Variants in MARCHF4 observed in about 807,000 individuals in gnomAD.
The protein encoded by MARCHF4 is E3 ubiquitin-protein ligase MARCHF4.
MARCHF4 carries 14 observed loss-of-function variants against 43.9 expected under a neutral mutation model. The ratio of observed to expected loss-of-function variants is 0.32; its 90% confidence interval spans 0.21 to 0.50. The LOEUF is 0.50. Among genes scored for constraint, MARCHF4 ranks in the 20% least tolerant of loss-of-function variants. MARCHF4 has a pLI of 0.98. For missense variants in MARCHF4, 468 were observed against 536.7 expected, an observed-to-expected ratio of 0.87 and a Z score of 1.27; for synonymous variants, 226 against 213.3, an observed-to-expected ratio of 1.06 and a Z score of -0.52.
chr2:216,264,817 T>C (rs1690819251), intron 3 of MARCHF4, among the ~76,000 whole-genome samples: 1 of 152,210 alleles, frequency 6.6e-6, no homozygotes, highest in South Asian at 2.1e-4. Flanking sequence ...GTTCAGGAAG[T>C]AGTTAAACCA....
chr2:216,358,597 T>C (rs1692535035), intron 1 of MARCHF4, among the ~76,000 whole-genome samples: 1 of 152,164 alleles, frequency 6.6e-6, no homozygotes, highest in African/African-American at 2.4e-5. Flanking sequence ...GAACAATCAC[T>C]AGGAATACTT....
chr2:216,317,302 C>T (rs1030417753), intron 1 of MARCHF4, among the ~76,000 whole-genome samples: 19 of 152,184 alleles, frequency 1.2e-4, no homozygotes, highest in African/African-American at 4.6e-4. Flanking sequence ...CATATCTTGT[C>T]AGGGAAATGC....
At position 216,335,379 on chromosome 2, in the gene MARCHF4, G is replaced by A. The variant is rs189302243; in HGVS notation, c.516+34366C>T. On this transcript the variant is annotated intron_variant, in intron 1 of 3. Coordinates refer to ENST00000273067, the MANE Select transcript of MARCHF4 (RefSeq NM_020814.3). ...ACGCAGGAGTCCAAAACAATCCTGT[G>A]AATTCTTTACAGGAGAAATGATAAA... Among the ~76,000 whole-genome samples, 216 of 152,314 alleles carry A rather than the reference G, an allele frequency of 1.4e-3. 1 individual carries two copies. The highest frequency in any genetic ancestry group is 2.8e-3 in the Non-Finnish European group (189 of 68,030).
At chr2:216,335,095 G>C (rs1050220780) in intron 1 of MARCHF4, among the ~76,000 whole-genome samples, 11 of 152,076 alleles carry the variant, frequency 7.2e-5, no homozygotes, top group Admixed American at 7.2e-4. Context: ...TCACAATCAA[G>C]ACAAAACTGG....
chr2:216,339,987 C>T (rs1393378180), intron 1 of MARCHF4, among the ~76,000 whole-genome samples: 1 of 152,024 alleles, frequency 6.6e-6, no homozygotes, highest in Admixed American at 6.6e-5. Context: ...GGGCTCTCCT[C>T]CCCAGCACCC....
intron 1 of MARCHF4, among the ~76,000 whole-genome samples, chr2:216,344,394 G>T (rs1692282312): frequency 6.6e-6 from 1 of 152,170 alleles, no homozygotes; most frequent in African/African-American, 2.4e-5. Context: ...TCGTAGAATT[G>T]ATTTCATGAC....
chr2:216,316,944 C>T (rs543494437), intron 1 of MARCHF4, among the ~76,000 whole-genome samples: 156 of 152,186 alleles, frequency 1.0e-3, no homozygotes, highest in African/African-American at 3.6e-3. Context: ...TGGCTACGGA[C>T]GTCTGAGTAA....
In MARCHF4 at chr2:216,302,241, C is replaced by T. The variant is rs187699584; in HGVS notation, c.517-18512G>A. On this transcript the variant is annotated intron_variant, in intron 1 of 3. Coordinates refer to ENST00000273067, the MANE Select transcript of MARCHF4 (RefSeq NM_020814.3). ...TCAAAAAAAAATTTTTTTTTTGAGACGGAGTCTCGCTCTGTCACCCAGGCT... is the reference window on the plus strand; with the variant it reads ...TCAAAAAAAAATTTTTTTTTTGAGATGGAGTCTCGCTCTGTCACCCAGGCT... Among the ~76,000 whole-genome samples the T allele has an allele frequency of 2.0e-3, 311 of 152,046 alleles. 2 individuals are homozygous for T. Among genetic ancestry groups the T allele is most frequent in the African/African-American group, 7.3e-3 (302 of 41,492 alleles).
At chr2:216,284,729 T>C (rs752901526) in intron 1 of MARCHF4, among the ~76,000 whole-genome samples, 2 of 152,206 alleles carry the variant, frequency 1.3e-5, no homozygotes, top group Non-Finnish European at 2.9e-5. Flanking sequence ...TGCACTTGGC[T>C]GCAGACTATA....
intron 1 of MARCHF4, among the ~76,000 whole-genome samples, chr2:216,368,777 G>A (rs931740755): frequency 5.3e-5 from 8 of 152,216 alleles, no homozygotes; most frequent in African/African-American, 1.2e-4. Context: ...CACTAACTGC[G>A]TGAGCCTTTC....
At chr2:216,273,049 G>A (rs1690964197) in intron 3 of MARCHF4, among the ~76,000 whole-genome samples, 2 of 152,208 alleles carry the variant, frequency 1.3e-5, no homozygotes, top group South Asian at 4.1e-4. Context: ...GGTTGAAGCA[G>A]CTCCATGGGC....
At chr2:216,343,367 T>C (rs1692262889) in intron 1 of MARCHF4, among the ~76,000 whole-genome samples, 2 of 152,204 alleles carry the variant, frequency 1.3e-5, no homozygotes, top group East Asian at 1.9e-4. Flanking sequence ...TATTCTTACA[T>C]GGCCGAGAGA....
intron 1 of MARCHF4, among the ~76,000 whole-genome samples, chr2:216,316,106 T>C (rs918280635): frequency 1.3e-5 from 2 of 152,226 alleles, no homozygotes; most frequent in African/African-American, 4.8e-5. Context: ...GCTGCTCTGA[T>C]TCATCGCCTG....
chr2:216,303,845 C>G (rs1033289935), intron 1 of MARCHF4, among the ~76,000 whole-genome samples: 14 of 152,130 alleles, frequency 9.2e-5, no homozygotes, highest in African/African-American at 3.4e-4. Flanking sequence ...AGATGAAAAG[C>G]AACACCAGAT....
At chr2:216,345,451 C>T (rs1441443655) in intron 1 of MARCHF4, among the ~76,000 whole-genome samples, 1 of 152,050 alleles carries the variant, frequency 6.6e-6, no homozygotes, top group Admixed American at 6.5e-5. Flanking sequence ...CACAGCCTAG[C>T]CCATCTGGAC....
rs1230907793 is a variant in MARCHF4, at chr2:216,259,026, A to AT, written c.*285dup. 4 of 266,834 alleles carry AT rather than the reference A, an allele frequency of 1.5e-5. No homozygotes were observed. Among genetic ancestry groups the AT allele is most frequent in the Non-Finnish European group, 2.8e-5 (4 of 140,524 alleles). The allele number at this position is 266,834 out of a possible 1,614,324, so 16.5% of individuals were successfully genotyped here. A position where few individuals can be genotyped will look rare whatever the true frequency, so the allele number is the denominator to read the frequency against. ...CTTCGGGTACCTTGCCTGCAGGTGC[A>AT]TTGGGGCAGGGTTTTTCTGTTGGGC... On this transcript the variant is annotated 3_prime_UTR_variant, in exon 4 of 4. Transcript: ENST00000273067.
chr2:216,261,635 T>C (rs754591140), intron 3 of MARCHF4, among the ~76,000 whole-genome samples: 1 of 152,222 alleles, frequency 6.6e-6, no homozygotes, highest in Non-Finnish European at 1.5e-5. Flanking sequence ...AGGTGTCTGA[T>C]AGAAATCTAA....
chr2:216,307,554 G>A (rs992395050), intron 1 of MARCHF4, among the ~76,000 whole-genome samples: 4 of 151,696 alleles, frequency 2.6e-5, no homozygotes, highest in African/African-American at 9.7e-5. Context: ...TTTTGGAACT[G>A]GAATCTTTTC....
intron 1 of MARCHF4, among the ~76,000 whole-genome samples, chr2:216,291,239 T>G (rs562524582): frequency 1.3e-5 from 2 of 152,290 alleles, no homozygotes; most frequent in South Asian, 4.1e-4. Flanking sequence ...AAGACGACAC[T>G]GTTTCAAGAA....
Sources: allele counts gnomAD v4.1 joint callset (sites outside exome capture counted in the v4.1 genomes callset), GRCh38; gene constraint gnomAD v4.1.1; transcripts MANE v1.5; gene names NCBI Gene and HGNC (gene_info 2026-07-23, HGNC 2026-07-21).